The following KCNAB1 variants were observed in gnomAD, a reference collection of about 807,000 sequenced individuals.
The protein encoded by KCNAB1 is voltage-gated potassium channel subunit beta-1.
KCNAB1 carries 35 observed loss-of-function variants against 64.6 expected under a neutral mutation model. That is an observed-to-expected ratio of 0.54 (90% CI 0.41 to 0.72). KCNAB1 has a LOEUF of 0.72. Among genes scored for constraint, KCNAB1 ranks in the 30% least tolerant of loss-of-function variants. The pLI, the probability that KCNAB1 is intolerant of heterozygous loss-of-function variation, is 0.00. For missense variants in KCNAB1, 401 were observed against 512.9 expected, an observed-to-expected ratio of 0.78 and a Z score of 2.11; for synonymous variants, 177 against 183.8, an observed-to-expected ratio of 0.96 and a Z score of 0.30.
chr3:156,162,025 G>A (rs1351755402), intron 1 of KCNAB1, among the ~76,000 whole-genome samples: 1 of 152,182 alleles, frequency 6.6e-6, no homozygotes, highest in Non-Finnish European at 1.5e-5. Flanking sequence ...ACAGGGTTTT[G>A]AATTTTTTGG....
At chr3:156,485,036 G>A (rs1576926940) in intron 8 of KCNAB1, among the ~76,000 whole-genome samples, 1 of 152,184 alleles carries the variant, frequency 6.6e-6, no homozygotes. Flanking sequence ...GTGGAAACAT[G>A]TTATAAATTG....
At chr3:156,300,043 A>C (rs1721048424) in intron 1 of KCNAB1, among the ~76,000 whole-genome samples, 1 of 152,188 alleles carries the variant, frequency 6.6e-6, no homozygotes, top group Non-Finnish European at 1.5e-5. Context: ...ATTAAAAAAC[A>C]AGAAACCAAG....
chr3:156,164,427 CCT>C (rs1716254152), intron 1 of KCNAB1, among the ~76,000 whole-genome samples: 1 of 152,130 alleles, frequency 6.6e-6, no homozygotes, highest in Non-Finnish European at 1.5e-5. Context: ...CCTACATGCC[CCT>C]GTTTTTAATT....
chr3:156,400,957 A>C (rs1220199189), intron 1 of KCNAB1, among the ~76,000 whole-genome samples: 1 of 152,238 alleles, frequency 6.6e-6, no homozygotes, highest in Non-Finnish European at 1.5e-5. Context: ...CCTTAGAACC[A>C]GACACAGTGA....
chr3:156,356,930 C>T (rs751734018), intron 1 of KCNAB1, among the ~76,000 whole-genome samples: 1 of 152,236 alleles, frequency 6.6e-6, no homozygotes, highest in Non-Finnish European at 1.5e-5. Flanking sequence ...TTGGCTCTGT[C>T]TTTCCAGAGT....
At chr3:156,193,697 A>G (rs558125065) in intron 1 of KCNAB1, among the ~76,000 whole-genome samples, 17 of 152,228 alleles carry the variant, frequency 1.1e-4, no homozygotes, top group African/African-American at 3.9e-4. Context: ...CGTCACTATC[A>G]TGAGAAAACA....
chr3:156,229,620 T>A (rs1321110499), intron 1 of KCNAB1, among the ~76,000 whole-genome samples: 2 of 152,172 alleles, frequency 1.3e-5, no homozygotes, highest in Non-Finnish European at 2.9e-5. Context: ...TTTCCTAAGC[T>A]GGTAAGAAGA....
At chr3:156,522,520 A>G (rs1384094804) in intron 11 of KCNAB1, among the ~76,000 whole-genome samples, 1 of 152,188 alleles carries the variant, frequency 6.6e-6, no homozygotes, top group Non-Finnish European at 1.5e-5. Context: ...TAAGGCTGGG[A>G]AAACTTTAGC....
intron 1 of KCNAB1, among the ~76,000 whole-genome samples, chr3:156,188,667 C>G (rs1269660208): frequency 6.6e-6 from 1 of 152,152 alleles, no homozygotes; most frequent in African/African-American, 2.4e-5. Context: ...TATTGTGGGA[C>G]AGTATGCTTC....
At chr3:156,426,913 C>G (rs1240027383) in intron 2 of KCNAB1, among the ~76,000 whole-genome samples, 3 of 152,092 alleles carry the variant, frequency 2.0e-5, no homozygotes, top group Admixed American at 2.0e-4. Flanking sequence ...CATTGAAAAC[C>G]TTGGGTCAGG....
chr3:156,534,124 A>G (rs541848652), intron 13 of KCNAB1, among the ~76,000 whole-genome samples: 4 of 152,074 alleles, frequency 2.6e-5, no homozygotes, highest in Admixed American at 6.6e-5. Context: ...TCCACCCAAG[A>G]CGAGTTGTGA....
intron 1 of KCNAB1, among the ~76,000 whole-genome samples, chr3:156,137,810 C>T (rs1259056735): frequency 6.6e-6 from 1 of 151,886 alleles, no homozygotes; most frequent in Non-Finnish European, 1.5e-5. Context: ...CCTACCTCGG[C>T]CTCCCAAAGT....
intron 2 of KCNAB1, among the ~76,000 whole-genome samples, chr3:156,445,251 G>A (rs1446399419): frequency 6.6e-6 from 1 of 152,152 alleles, no homozygotes; most frequent in Non-Finnish European, 1.5e-5. Context: ...AGCCCAGATT[G>A]TGCCACTGCA....
chr3:156,139,799 G>C (rs191769915), intron 1 of KCNAB1, among the ~76,000 whole-genome samples: 116 of 152,134 alleles, frequency 7.6e-4, no homozygotes, highest in African/African-American at 2.5e-3. Flanking sequence ...GCATCATTCT[G>C]ATCATTATAA....
At chr3:156,494,503 G>A (rs145505270) in intron 8 of KCNAB1, among the ~76,000 whole-genome samples, 1 of 152,204 alleles carries the variant, frequency 6.6e-6, no homozygotes, top group East Asian at 1.9e-4. Flanking sequence ...CTTTATTGTA[G>A]ACAATAGCTT....
At chr3:156,169,611 C>T (rs1264476897) in intron 1 of KCNAB1, among the ~76,000 whole-genome samples, 5 of 152,144 alleles carry the variant, frequency 3.3e-5, no homozygotes, top group African/African-American at 1.2e-4. Flanking sequence ...GAAGGTGGAG[C>T]GTGATGGGAG....
chr3:156,185,867 T>C (rs529817968), intron 1 of KCNAB1, among the ~76,000 whole-genome samples: 2 of 152,346 alleles, frequency 1.3e-5, no homozygotes, highest in South Asian at 2.1e-4. Context: ...ATTGTCAATA[T>C]GCCAGTTGGT....
intron 8 of KCNAB1, among the ~76,000 whole-genome samples, chr3:156,495,173 C>T (rs1715924233): frequency 6.6e-6 from 1 of 152,112 alleles, no homozygotes; most frequent in African/African-American, 2.4e-5. Context: ...GCCTCCAGCT[C>T]CATCCATGTC....
intron 1 of KCNAB1, among the ~76,000 whole-genome samples, chr3:156,269,483 G>C: frequency 6.6e-6 from 1 of 152,192 alleles, no homozygotes; most frequent in Non-Finnish European, 1.5e-5. Context: ...ATTTGATGAA[G>C]TGCTCTGTAA....
Sources: gnomAD v4.1 joint callset for allele counts (sites outside exome capture counted in the v4.1 genomes callset) on GRCh38, gnomAD v4.1.1 for gene constraint, MANE v1.5 for transcripts, NCBI Gene and HGNC (gene_info 2026-07-23, HGNC 2026-07-21) for gene names.